AARSD1: variants seen among roughly 807,000 people sequenced by gnomAD.
The protein encoded by AARSD1 is alanyl-tRNA editing protein Aarsd1.
Under a neutral mutation model 48.7 loss-of-function variants are expected in AARSD1, and 44 were observed. The ratio of observed to expected loss-of-function variants is 0.90; its 90% CI spans 0.71 to 1.16. The LOEUF is 1.16. AARSD1 is among the 50% of genes most tolerant of loss of function. The pLI is 0.00. For missense variants in AARSD1, 511 were observed against 523.1 expected, an observed-to-expected ratio of 0.98 and a Z score of 0.23; for synonymous variants, 189 against 194.9, an observed-to-expected ratio of 0.97 and a Z score of 0.25.
rs2049635118 is a variant in AARSD1 at position 42,961,329 on chromosome 17, T to C, written c.194A>G (p.Asn65Ser). ...GGQPDDRGTI[N>S]DISVLRVTRR... Reference sequence around the variant, plus strand: ...AGTCACTCTCAGCACAGAGATGTCATTGATTGTACCACGGTCATCAGGCTG... The same window carrying C: ...AGTCACTCTCAGCACAGAGATGTCACTGATTGTACCACGGTCATCAGGCTG... Residue 65 changes from asparagine (N) to serine (S), a missense_variant, in exon 3 of 12, where the codon AAT becomes AGT. Coordinates refer to ENST00000427569, the MANE Select transcript of AARSD1 (RefSeq NM_001261434.2). 3 of 1,614,126 alleles carry C rather than the reference T, an allele frequency of 1.9e-6. No homozygotes were observed. The highest frequency in any genetic ancestry group is 1.6e-4 in the Middle Eastern group (1 of 6,062).
chr17:42,950,786 A>C, intron 11 of AARSD1, 58 bp from the exon 12 acceptor site: 1 of 1,564,548 alleles, frequency 6.4e-7, no homozygotes, highest in Non-Finnish European at 8.6e-7. Context: ...AAAAAAAACA[A>C]GGGCAGCTCT....
rs2049530545 is a variant in AARSD1, at chr17:42,955,164, CA to C, written c.854del (p.Leu285ArgfsTer6). The C allele has an allele frequency of 1.9e-6, 3 of 1,614,062 alleles. No individual in the cohort carries two copies. In the African/African-American group the frequency reaches 4.0e-5, roughly 22 times the overall value. On this transcript the variant is annotated frameshift_variant, in exon 8 of 12. Coordinates refer to ENST00000427569, the MANE Select transcript of AARSD1 (RefSeq NM_001261434.2). LOFTEE classifies it high-confidence loss of function. ...VKKLQNSTKI[L>X]QKNNLNLLRD... ...CCTCCATGGAATAAATCACCTTCTG[CA>C]GGATCTTGGTGGAGTTCTGGAGCTT... is the stretch of plus-strand genomic sequence containing the variant.
rs567631943 is a variant in AARSD1, at chr17:42,961,122, G to A, written c.331+70C>T. 85 of 1,530,762 alleles carry A rather than the reference G, an allele frequency of 5.6e-5. No homozygotes were observed. In the African/African-American group the frequency reaches 9.9e-4, roughly 18 times the overall value. The allele number at this position is 1,530,762 out of a possible 1,614,324, so 94.8% of individuals were successfully genotyped here. A position where few individuals can be genotyped will look rare whatever the true frequency, so the allele number is the denominator to read the frequency against. ...TTAACTCCTAGAGAACCCAAACTAC[G>A]TCTCAGTCATCACAGCATCCCCATA... is the stretch of plus-strand genomic sequence containing the variant. On this transcript the variant is annotated intron_variant, in intron 3 of 11. Coordinates refer to ENST00000427569, the MANE Select transcript of AARSD1 (RefSeq NM_001261434.2).
chr17:42,955,157 C>T lies in AARSD1; in HGVS notation c.861+1G>A, dbSNP rs1351462795. The T allele has an allele frequency of 1.2e-6, 2 of 1,614,082 alleles. No individual in the cohort carries two copies. Among genetic ancestry groups the T allele is most frequent in the African/African-American group, 2.7e-5 (2 of 74,946 alleles). On this transcript the variant is annotated splice_donor_variant, in intron 8 of 11. Coordinates refer to ENST00000427569, the MANE Select transcript of AARSD1 (RefSeq NM_001261434.2). LOFTEE classifies it high-confidence loss of function. ...TCTCTACCCTCCATGGAATAAATCA[C>T]CTTCTGCAGGATCTTGGTGGAGTTC...
intron 10 of AARSD1, among the ~76,000 whole-genome samples, chr17:42,952,984 T>G (rs1429831757): frequency 1.3e-5 from 2 of 152,018 alleles, no homozygotes; most frequent in African/African-American, 4.8e-5. Context: ...CAGCAAATTT[T>G]TGTCTTCTGT....
In AARSD1 at chr17:42,964,418, T is replaced by G; in HGVS notation, c.23A>C (p.Asp8Ala). Reference sequence around the variant, plus strand: ...ACGCCGTACCTCTCGGGCATAACTGTCACGCTGACACCAGAACGCCATACC... The same window carrying G: ...ACGCCGTACCTCTCGGGCATAACTGGCACGCTGACACCAGAACGCCATACC... MAFWCQR[D>A]SYAREFTTTV... The change falls in exon 1 of 12, where the codon GAC (aspartate) becomes GCC (alanine). Residue 8 changes from aspartate (D) to alanine (A), a missense_variant. Asp to Ala is a moderately radical substitution (Grantham distance 126). Coordinates refer to ENST00000427569, the MANE Select transcript of AARSD1 (RefSeq NM_001261434.2). 19 of 1,551,010 alleles carry G rather than the reference T, an allele frequency of 1.2e-5. No homozygotes were observed. Among genetic ancestry groups the G allele is most frequent in the Non-Finnish European group, 1.7e-5 (19 of 1,147,114 alleles).
At chr17:42,953,697 G>T in intron 10 of AARSD1, 27 bp downstream of exon 10, 1 of 1,614,086 alleles carries the variant, frequency 6.2e-7, no homozygotes, top group South Asian at 1.1e-5. Flanking sequence ...ATCCAGGCCG[G>T]GGTAGAGAAT....
At chr17:42,955,304 TC>T (rs2049533291) in intron 7 of AARSD1, 80 bp from the exon 8 acceptor site, 2 of 1,563,280 alleles carry the variant, frequency 1.3e-6, no homozygotes, top group Admixed American at 1.8e-5. Flanking sequence ...ATAATTTCCT[TC>T]TTGCTATGGT....
chr17:42,959,630 C>G lies in AARSD1; in HGVS notation c.331+1562G>C, dbSNP rs145679018. Among the ~76,000 whole-genome samples, 84 of 151,546 alleles carry G rather than the reference C, an allele frequency of 5.5e-4. No homozygotes were observed. In the East Asian group the frequency reaches 9.8e-3, roughly 18 times the overall value. On this transcript the variant is annotated intron_variant, in intron 3 of 11. Transcript: ENST00000427569. The stretch of plus-strand genomic sequence containing the variant: ...GTGTCAGCCTCCCAGAGTGCTAGGA[C>G]TACAGCAGTGAGCCACAGTGCCCAG...
intron 1 of AARSD1, 40 bp downstream of exon 1, chr17:42,964,362 C>A (rs1443898865): frequency 6.4e-7 from 1 of 1,564,756 alleles, no homozygotes; most frequent in Non-Finnish European, 8.7e-7. Flanking sequence ...AACCGCCTTG[C>A]CGGCCCGGCA....
In AARSD1 at chr17:42,951,837, C is replaced by T. The variant is rs758078352; in HGVS notation, c.1066G>A (p.Ala356Thr). 3.1e-6 allele frequency: 5 copies of T among 1,614,032 alleles called. No individual in the cohort carries two copies. Among genetic ancestry groups the T allele is most frequent in the Non-Finnish European group, 4.2e-6 (5 of 1,180,024 alleles). ...DEKGGGLFLLAGPPASVETLG... is the reference protein window; with the variant it reads ...DEKGGGLFLLTGPPASVETLG... ...GTCTCCACAGACGCAGGTGGCCCTG[C>T]CAGTAAGAAGAGTCCACCACCTTTC... Residue 356 changes from alanine to threonine, a missense_variant, in exon 11 of 12, where the codon GCA becomes ACA. Ala to Thr is a moderately conservative substitution (Grantham distance 58). Coordinates refer to ENST00000427569, the MANE Select transcript of AARSD1 (RefSeq NM_001261434.2).
At chr17:42,951,071 T>C (rs1337654687) in intron 11 of AARSD1, among the ~76,000 whole-genome samples, 3 of 152,050 alleles carry the variant, frequency 2.0e-5, no homozygotes, top group Admixed American at 6.6e-5. Context: ...GACAGGAGAA[T>C]TGCTTGAACC....
chr17:42,951,901 G>A lies in AARSD1; in HGVS notation c.1009-7C>T, dbSNP rs759486495. 2 of 1,613,150 alleles carry A rather than the reference G, an allele frequency of 1.2e-6. No individual in the cohort carries two copies. Among genetic ancestry groups the A allele is most frequent in the African/African-American group, 2.7e-5 (2 of 74,894 alleles). On this transcript the variant is annotated splice_polypyrimidine_tract_variant and splice_region_variant and intron_variant, in intron 10 of 11. Coordinates refer to ENST00000427569, the MANE Select transcript of AARSD1 (RefSeq NM_001261434.2). Reference sequence around the variant, plus strand: ...TTAAGAACAGGAGGGTCTCCTAGGAGGTAAGACAAGGAGATAAGCTCTGAT... The same window carrying A: ...TTAAGAACAGGAGGGTCTCCTAGGAAGTAAGACAAGGAGATAAGCTCTGAT...
At chr17:42,959,483 C>T (rs925299507) in intron 3 of AARSD1, among the ~76,000 whole-genome samples, 2 of 151,720 alleles carry the variant, frequency 1.3e-5, no homozygotes, top group Admixed American at 1.3e-4. Flanking sequence ...CCGACTTGGC[C>T]TCCCAAAATG....
In AARSD1 at chr17:42,956,403, CCTG is replaced by C. The variant is rs1317577406; in HGVS notation, c.544_546del (p.Gln182del). ...AACCATCCCTCTGGCTCTACCCTTA[CCTG>C]CTCCACCTCAGGATCATCCAGGCTC... On this transcript the variant is annotated inframe_deletion and splice_region_variant, in exon 5 of 12. Coordinates refer to ENST00000427569, the MANE Select transcript of AARSD1 (RefSeq NM_001261434.2). 1.9e-6 allele frequency: 3 copies of C among 1,613,962 alleles called. No homozygotes were observed. The highest frequency in any genetic ancestry group is 2.5e-6 in the Non-Finnish European group (3 of 1,180,022).
chr17:42,963,466 T>C (rs1342832603), intron 2 of AARSD1, among the ~76,000 whole-genome samples: 1 of 151,900 alleles, frequency 6.6e-6, no homozygotes, highest in Non-Finnish European at 1.5e-5. Context: ...AATGCCCACC[T>C]TTGGTGTTAT....
In AARSD1 at chr17:42,962,006, T is replaced by TA. The variant is rs1216396359; in HGVS notation, c.172-656dup. Among the ~76,000 whole-genome samples the TA allele has an allele frequency of 7.4e-4, 105 of 141,342 alleles. 1 individual carries two copies. The East Asian group carries it at 8.3e-3, about 11-fold the overall frequency. 92.7% of individuals were successfully genotyped at this position (141,342 alleles called of 152,430 possible). ...TGACAGAGTGAGACACTGTCTCATT[T>TA]AAAAAAAAAAAAGGGCCAGGTACAG... is the stretch of plus-strand genomic sequence containing the variant. On this transcript the variant is annotated intron_variant, in intron 2 of 11. Transcript: ENST00000427569.
At chr17:42,960,961 G>T in intron 3 of AARSD1, 1 of 606,330 alleles carries the variant, frequency 1.6e-6, no homozygotes. Context: ...ATATCGAGTG[G>T]GAAGTTGATA....
intron 9 of AARSD1, 46 bp downstream of exon 9, chr17:42,954,830 G>C (rs762805837): frequency 1.5e-4 from 234 of 1,603,466 alleles, no homozygotes; most frequent in Non-Finnish European, 2.0e-4. Context: ...TGAGCCCTAA[G>C]CCCAACACAG....
Sources: gnomAD v4.1 joint callset for allele counts (sites outside exome capture counted in the v4.1 genomes callset) on GRCh38, gnomAD v4.1.1 for gene constraint, MANE v1.5 for transcripts, NCBI Gene and HGNC (gene_info 2026-07-23, HGNC 2026-07-21) for gene names.